PMFBP1: variants seen among roughly 807,000 people sequenced by gnomAD.
PMFBP1 encodes the protein polyamine-modulated factor 1-binding protein 1.
A neutral mutation model predicts 137.8 loss-of-function variants in PMFBP1; 131 were observed. That is an observed-to-expected ratio of 0.95 (90% confidence interval 0.82 to 1.10). PMFBP1 has a LOEUF of 1.10. PMFBP1 is among the 50% of genes least tolerant of loss of function. PMFBP1 has a pLI of 0.00. For synonymous variants in PMFBP1, 490 were observed against 450.4 expected, an observed-to-expected ratio of 1.09 and a Z score of -1.11; for missense variants, 1,199 against 1,175.4, an observed-to-expected ratio of 1.02 and a Z score of -0.29.
the PMFBP1 span, among the ~76,000 whole-genome samples, chr16:72,235,110 T>C: frequency 6.6e-6 from 1 of 152,164 alleles, no homozygotes; most frequent in Admixed American, 6.6e-5. Context: ...AAGAAACCAT[T>C]GCCTAACCCA....
At chr16:72,198,961 C>T in the PMFBP1 span, among the ~76,000 whole-genome samples, 6 of 152,178 alleles carry the variant, frequency 3.9e-5, no homozygotes. Flanking sequence ...GCAGCGTCAT[C>T]GATCTCCCCT....
At chr16:72,188,047 G>A in the PMFBP1 span, among the ~76,000 whole-genome samples, 1 of 152,206 alleles carries the variant, frequency 6.6e-6, no homozygotes, top group East Asian at 1.9e-4. Flanking sequence ...TTCATCATAG[G>A]ATAGAACCCA....
intron 3 of PMFBP1, among the ~76,000 whole-genome samples, chr16:72,161,231 G>A (rs1031966337): frequency 1.3e-5 from 2 of 151,494 alleles, no homozygotes; most frequent in Admixed American, 6.6e-5. Flanking sequence ...CCGAGTAGCT[G>A]GGATTATAGG....
chr16:72,193,344 G>A, the PMFBP1 span, among the ~76,000 whole-genome samples: 1 of 150,706 alleles, frequency 6.6e-6, no homozygotes, highest in Non-Finnish European at 1.5e-5. Flanking sequence ...GAACCATGAT[G>A]GTGCCACTGC....
chr16:72,163,479 T>C (rs1291622850), intron 3 of PMFBP1, among the ~76,000 whole-genome samples: 2 of 152,264 alleles, frequency 1.3e-5, no homozygotes, highest in African/African-American at 2.4e-5. Flanking sequence ...GAGGTCTGCA[T>C]GTTCACACAT....
chr16:72,144,008 T>A (rs1298026609), intron 5 of PMFBP1, among the ~76,000 whole-genome samples: 1 of 151,776 alleles, frequency 6.6e-6, no homozygotes. Context: ...ACCATTGCAC[T>A]CCAGCCTGGG....
chr16:72,144,584 T>A (rs170084), intron 5 of PMFBP1, among the ~76,000 whole-genome samples: 16,005 of 152,182 alleles, frequency 0.11, 1,057 homozygotes, highest in East Asian at 0.16. Context: ...AATTCGAGCC[T>A]TATGTCATTA....
At chr16:72,125,940 C>T in intron 15 of PMFBP1, 28 bp downstream of exon 15, 1 of 1,609,748 alleles carries the variant, frequency 6.2e-7, no homozygotes, top group East Asian at 2.2e-5. Context: ...CTGAAAACAG[C>T]CCTGGAGACT....
intron 2 of PMFBP1, among the ~76,000 whole-genome samples, chr16:72,166,495 C>T (rs1267187851): frequency 6.6e-6 from 1 of 152,138 alleles, no homozygotes; most frequent in Non-Finnish European, 1.5e-5. Flanking sequence ...TGGGCTAATA[C>T]AGTACCTATC....
the PMFBP1 span, among the ~76,000 whole-genome samples, chr16:72,243,223 A>G: frequency 2.6e-5 from 4 of 152,210 alleles, no homozygotes; most frequent in Non-Finnish European, 5.9e-5. Flanking sequence ...TCCATAAACA[A>G]TTATTTTCCA....
intron 5 of PMFBP1, among the ~76,000 whole-genome samples, chr16:72,141,066 C>T (rs1051878614): frequency 6.6e-6 from 1 of 150,756 alleles, no homozygotes; most frequent in Non-Finnish European, 1.5e-5. Context: ...CCCCAAATAG[C>T]TAGAATTACA....
chr16:72,154,231 AG>A lies in PMFBP1; in HGVS notation c.393del (p.Cys132AlafsTer3). On this transcript the variant is annotated frameshift_variant, in exon 4 of 21. Coordinates refer to ENST00000237353, the MANE Select transcript of PMFBP1 (RefSeq NM_031293.3). LOFTEE classifies it high-confidence loss of function. Reference protein sequence around the residue: ...QTSDLVLLHHHCKLKEDEVIL... With the variant: ...QTSDLVLLHHXCKLKEDEVIL... ...TATACCTCATCTTCTTTCAGTTTGC[AG>A]TGATGGTGCAGAAGAACCAGGTCGG... 1 of 1,614,012 alleles carries A rather than the reference AG, an allele frequency of 6.2e-7. No homozygotes were observed. The highest frequency in any genetic ancestry group is 8.5e-7 in the Non-Finnish European group (1 of 1,179,984).
intron 6 of PMFBP1, among the ~76,000 whole-genome samples, chr16:72,139,935 G>C (rs1006182858): frequency 5.9e-5 from 9 of 152,272 alleles, no homozygotes; most frequent in African/African-American, 2.2e-4. Context: ...TCCACTAAGG[G>C]AGAGGACAGT....
At chr16:72,249,834 T>A in the PMFBP1 span, among the ~76,000 whole-genome samples, 1 of 143,258 alleles carries the variant, frequency 7.0e-6, no homozygotes, top group Middle Eastern at 3.6e-3. Context: ...GGCAGGAGAA[T>A]CGTTTGAACC....
At chr16:72,172,609 G>T (rs1233538889), upstream of PMFBP1, 1 of 151,522 alleles carries the variant, frequency 6.6e-6, no homozygotes, top group Non-Finnish European at 1.5e-5. Context: ...CCTCCTCAAA[G>T]AAATATAGGC....
intron 1 of PMFBP1, 94 bp downstream of exon 1, chr16:72,171,959 TG>T (rs2043226456): frequency 6.6e-6 from 1 of 152,202 alleles, no homozygotes; most frequent in Non-Finnish European, 1.5e-5. Context: ...TACAGGATGA[TG>T]CATTTGAGGT....
chr16:72,243,806 T>C, the PMFBP1 span, among the ~76,000 whole-genome samples: 25 of 152,118 alleles, frequency 1.6e-4, no homozygotes, highest in African/African-American at 5.8e-4. Flanking sequence ...ACCAAGAGAT[T>C]AAAGGGGAGG....
At chr16:72,167,267 T>G (rs2043158857) in intron 2 of PMFBP1, among the ~76,000 whole-genome samples, 1 of 152,226 alleles carries the variant, frequency 6.6e-6, no homozygotes, top group Non-Finnish European at 1.5e-5. Context: ...GCTGATTTAT[T>G]TCTTCATTTC....
chr16:72,143,853 C>A (rs2042761711), intron 5 of PMFBP1, among the ~76,000 whole-genome samples: 1 of 151,946 alleles, frequency 6.6e-6, no homozygotes, highest in South Asian at 2.1e-4. Context: ...CCAGCCTGAC[C>A]AACATGGAGA....
Sources: gnomAD v4.1 joint callset for allele counts (sites outside exome capture counted in the v4.1 genomes callset) on GRCh38, gnomAD v4.1.1 for gene constraint, MANE v1.5 for transcripts, NCBI Gene and HGNC (gene_info 2026-07-23, HGNC 2026-07-21) for gene names.